ADAM12: variants seen among roughly 807,000 people sequenced by gnomAD.
ADAM12 encodes ADAM metallopeptidase domain 12.
A neutral mutation model predicts 106.4 loss-of-function variants in ADAM12; 70 were observed. That is an observed-to-expected ratio of 0.66 (90% CI 0.54 to 0.80). The LOEUF (loss-of-function observed/expected upper bound fraction) is 0.80, where lower values mean the gene tolerates loss of function less well. Ranked by LOEUF, ADAM12 falls within the 30% of genes least tolerant of loss-of-function variation. The pLI is 0.00. For synonymous variants in ADAM12, 420 were observed against 433.5 expected (o/e 0.97, Z 0.39); for missense variants, 1,010 against 1,171.9 (o/e 0.86, Z 2.02).
chr10:126,276,453 T>C (rs1339373042), intron 3 of ADAM12, among the ~76,000 whole-genome samples: 2 of 152,226 alleles, frequency 1.3e-5, no homozygotes, highest in Non-Finnish European at 2.9e-5. Context: ...AGCATTTCAC[T>C]CTACTTGATT....
At chr10:126,089,688 A>G (rs755379248) in intron 11 of ADAM12, among the ~76,000 whole-genome samples, 1 of 151,954 alleles carries the variant, frequency 6.6e-6, no homozygotes, top group East Asian at 1.9e-4. Context: ...TGGTTCCTCC[A>G]TTTCTACCCA....
chr10:126,317,456 C>T (rs1019080389), intron 2 of ADAM12, among the ~76,000 whole-genome samples: 17 of 152,106 alleles, frequency 1.1e-4, no homozygotes, highest in African/African-American at 3.9e-4. Context: ...AGACATTATG[C>T]CAGCTGAATG....
intron 3 of ADAM12, among the ~76,000 whole-genome samples, chr10:126,193,751 G>T (rs890310884): frequency 6.6e-6 from 1 of 152,070 alleles, no homozygotes; most frequent in African/African-American, 2.4e-5. Flanking sequence ...ACAAAAATTA[G>T]CTGCATGTGG....
At chr10:126,171,698 T>G (rs1202292665) in intron 3 of ADAM12, among the ~76,000 whole-genome samples, 2 of 152,232 alleles carry the variant, frequency 1.3e-5, no homozygotes, top group Admixed American at 1.3e-4. Context: ...CAGAAAAAGA[T>G]GAACATGCTT....
Position 126,016,560 on chromosome 10 carries a change from T to TCCAAACATGCTCA in ADAM12, c.*706_*718dup, listed in dbSNP as rs1953665039. 1 of 152,298 alleles carries TCCAAACATGCTCA rather than the reference T, an allele frequency of 6.6e-6. No homozygotes were observed. The highest frequency in any genetic ancestry group is 6.5e-5 in the Admixed American group (1 of 15,278). The allele number at this position is 152,298 out of a possible 1,614,324, so 9.4% of individuals were successfully genotyped here. A position where few individuals can be genotyped will look rare whatever the true frequency, so the allele number is the denominator to read the frequency against. On this transcript the variant is annotated 3_prime_UTR_variant, in exon 23 of 23. Coordinates refer to ENST00000448723, the MANE Select transcript of ADAM12 (RefSeq NM_001288973.2). ...GCCTTGAGTGACACTACAGACCCCT[T>TCCAAACATGCTCA]CCAAACATGCTCACGGCTGGTCAGC...
At chr10:126,080,207 G>A (rs1290613439) in intron 11 of ADAM12, among the ~76,000 whole-genome samples, 4 of 152,030 alleles carry the variant, frequency 2.6e-5, no homozygotes, top group Admixed American at 6.5e-5. Flanking sequence ...TTTATTCCCC[G>A]GAGCATCCAT....
At chr10:126,222,599 T>C (rs1227052265) in intron 3 of ADAM12, among the ~76,000 whole-genome samples, 1 of 151,638 alleles carries the variant, frequency 6.6e-6, no homozygotes, top group East Asian at 1.9e-4. Flanking sequence ...CTGGGGGTCC[T>C]TTGGTGGCTC....
intron 4 of ADAM12, chr10:126,145,572 T>C (rs1370293800): frequency 6.6e-6 from 1 of 152,432 alleles, no homozygotes; most frequent in African/African-American, 2.4e-5. Flanking sequence ...CTGGGTAGTG[T>C]AGCCTTAGAC....
chr10:126,121,184 T>C (rs1956097970), intron 5 of ADAM12, among the ~76,000 whole-genome samples: 1 of 101,874 alleles, frequency 9.8e-6, no homozygotes, highest in Non-Finnish European at 1.8e-5. Flanking sequence ...CTATATACAC[T>C]ATATACTATA....
Position 126,328,025 on chromosome 10 carries a change from A to G in ADAM12, c.186+2387T>C, listed in dbSNP as rs561149307. Among the ~76,000 whole-genome samples the G allele has an allele frequency of 2.6e-5, 4 of 152,328 alleles. No individual in the cohort carries two copies. In the South Asian group the frequency reaches 8.3e-4, roughly 32 times the overall value. ...TCTCATGGCTGGCTCTTTAGAACTT[A>G]TTGAAAAAACTATCTTTCCTTCTTA... On this transcript the variant is annotated intron_variant, in intron 2 of 22. Coordinates refer to ENST00000448723, the MANE Select transcript of ADAM12 (RefSeq NM_001288973.2).
At chr10:126,374,487 A>G (rs1157329341) in intron 1 of ADAM12, among the ~76,000 whole-genome samples, 1 of 152,234 alleles carries the variant, frequency 6.6e-6, no homozygotes, top group East Asian at 1.9e-4. Flanking sequence ...ATTTTAAAAT[A>G]TTACATTTTA....
chr10:126,254,235 C>T (rs1958844439), intron 3 of ADAM12, among the ~76,000 whole-genome samples: 1 of 152,186 alleles, frequency 6.6e-6, no homozygotes, highest in African/African-American at 2.4e-5. Context: ...CTATCAGCTG[C>T]GTGACCTGGT....
At chr10:126,316,380 T>C (rs138871322) in intron 2 of ADAM12, among the ~76,000 whole-genome samples, 1,647 of 152,264 alleles carry the variant, frequency 0.011, 21 homozygotes, top group African/African-American at 0.037. Flanking sequence ...TCAAAAGTGT[T>C]AAGTCAAAAC....
intron 18 of ADAM12, among the ~76,000 whole-genome samples, chr10:126,040,938 C>G (rs887348131): frequency 6.6e-6 from 1 of 152,154 alleles, no homozygotes; most frequent in Non-Finnish European, 1.5e-5. Context: ...GTGTCCCCTC[C>G]TGTTGGCCCA....
intron 2 of ADAM12, among the ~76,000 whole-genome samples, chr10:126,282,534 CCT>C (rs763125318): frequency 9.2e-5 from 14 of 151,938 alleles, no homozygotes; most frequent in Non-Finnish European, 1.8e-4. Flanking sequence ...TTAGTTTTAC[CCT>C]GTTTTGAACC....
At chr10:126,152,295 G>A (rs149415278) in intron 4 of ADAM12, among the ~76,000 whole-genome samples, 121 of 151,638 alleles carry the variant, frequency 8.0e-4, no homozygotes, top group African/African-American at 2.6e-3. Flanking sequence ...GTTTTGTTTC[G>A]GATTTTCAGA....
At chr10:126,058,050 CG>C (rs1474846761) in intron 14 of ADAM12, among the ~76,000 whole-genome samples, 3 of 152,196 alleles carry the variant, frequency 2.0e-5, no homozygotes, top group African/African-American at 7.2e-5. Context: ...CCTTGGAACT[CG>C]ATGCCTGAGC....
At chr10:126,333,487 C>T (rs1482389405) in intron 1 of ADAM12, among the ~76,000 whole-genome samples, 1 of 152,142 alleles carries the variant, frequency 6.6e-6, no homozygotes, top group Non-Finnish European at 1.5e-5. Context: ...GGAGATGATG[C>T]GTGAAATCCG....
At chr10:126,357,688 C>G (rs1201593638) in intron 1 of ADAM12, among the ~76,000 whole-genome samples, 1 of 152,058 alleles carries the variant, frequency 6.6e-6, no homozygotes, top group East Asian at 1.9e-4. Context: ...AGAAGAAGTG[C>G]CGAGCAAAAC....
Sources: gnomAD v4.1 joint callset for allele counts (sites outside exome capture counted in the v4.1 genomes callset) on GRCh38, gnomAD v4.1.1 for gene constraint, MANE v1.5 for transcripts, NCBI Gene and HGNC (gene_info 2026-07-23, HGNC 2026-07-21) for gene names.